Variants in TREH observed in about 807,000 individuals in gnomAD.
TREH encodes trehalase, also known as alpha,alpha-trehalose glucohydrolase.
TREH carries 69 observed loss-of-function variants against 80.5 expected under a neutral mutation model. The ratio of observed to expected loss-of-function variants is 0.86; its 90% CI spans 0.71 to 1.05. TREH has a LOEUF of 1.05. TREH is among the 50% of genes least tolerant of loss of function. The probability of loss-of-function intolerance (pLI) is 0.00; values close to 1 mark genes in which losing one functional copy is unlikely to be tolerated. For missense variants in TREH, 716 were observed against 718.8 expected, an observed-to-expected ratio of 1.00 and a Z score of 0.04; for synonymous variants, 309 against 293.5, an observed-to-expected ratio of 1.05 and a Z score of -0.54.
chr11:118,670,050 A>G (rs142134232), intron 1 of TREH, among the ~76,000 whole-genome samples: 53 of 152,336 alleles, frequency 3.5e-4, no homozygotes, highest in African/African-American at 1.3e-3. Flanking sequence ...GAGGGGCTTC[A>G]AATGTCTTAA....
chr11:118,663,211 G>T lies in TREH; in HGVS notation c.191-15C>A, dbSNP rs782446774. 6.3e-7 allele frequency: 1 copy of T among 1,591,454 alleles called. No homozygotes were observed. The highest frequency in any genetic ancestry group is 8.6e-7 in the Non-Finnish European group (1 of 1,168,838). ...CAGGACTTGTTCTGGAGAGCAGGCA[G>T]CAGGGAGGGGTCAGCAGGGTGTCAC... is the stretch of plus-strand genomic sequence containing the variant. On this transcript the variant is annotated splice_polypyrimidine_tract_variant and intron_variant, in intron 2 of 14. Transcript: ENST00000264029.
chr11:118,668,200 G>GA (rs1949396096), intron 1 of TREH, among the ~76,000 whole-genome samples: 1 of 151,352 alleles, frequency 6.6e-6, no homozygotes, highest in Non-Finnish European at 1.5e-5. Flanking sequence ...AGCATTTAGA[G>GA]AAAAAGACAT....
chr11:118,661,794 G>A lies in TREH; in HGVS notation c.525-65C>T. On this transcript the variant is annotated intron_variant, in intron 5 of 14. Coordinates refer to ENST00000264029, the MANE Select transcript of TREH (RefSeq NM_007180.3). The surrounding 1 kb of genome is among the most constrained non-coding windows in gnomAD (Gnocchi z 4.2). ...CTCTGCCCTGCACACCAGCCAGTGG[G>A]GCACTCTGCCCTGCTGAAGACACCC... 6.2e-7 allele frequency: 1 copy of A among 1,605,816 alleles called. No individual in the cohort carries two copies. Among genetic ancestry groups the A allele is most frequent in the African/African-American group, 1.3e-5 (1 of 74,846 alleles).
chr11:118,661,635 A>G lies in TREH; in HGVS notation c.617+2T>C, dbSNP rs576926853. 4 of 1,613,820 alleles carry G rather than the reference A, an allele frequency of 2.5e-6. No individual in the cohort carries two copies. In the South Asian group the frequency reaches 4.4e-5, roughly 18 times the overall value. ...AGGCTGGAGGTGCCTGGCCCCCCTCACGTTTTCACCAGGTCCAAGAAGTTC... is the reference window on the plus strand; with the variant it reads ...AGGCTGGAGGTGCCTGGCCCCCCTCGCGTTTTCACCAGGTCCAAGAAGTTC... On this transcript the variant is annotated splice_donor_variant, in intron 6 of 14. Coordinates refer to ENST00000264029, the MANE Select transcript of TREH (RefSeq NM_007180.3). LOFTEE classifies it high-confidence loss of function. This position sits in a 1 kb window ranked among gnomAD's most constrained non-coding sequence, Gnocchi z 4.2.
At chr11:118,675,599 G>C (rs1555146731) in intron 1 of TREH, among the ~76,000 whole-genome samples, 1 of 152,184 alleles carries the variant, frequency 6.6e-6, no homozygotes, top group African/African-American at 2.4e-5. Context: ...AAGGTCTAGG[G>C]GGGCCCTGAA....
chr11:118,673,762 C>G (rs530096260), intron 1 of TREH, among the ~76,000 whole-genome samples: 7 of 152,354 alleles, frequency 4.6e-5, no homozygotes, highest in Admixed American at 3.9e-4. Context: ...CCATTGGCCA[C>G]TGTCCAAGAG....
intron 11 of TREH, 132 bp from the exon 12 acceptor site, chr11:118,659,613 G>T (rs1949286889): frequency 7.4e-7 from 1 of 1,346,980 alleles, no homozygotes; most frequent in Non-Finnish European, 1.0e-6. Context: ...CTGCCCCCCG[G>T]TGGCTCTGGT....
chr11:118,663,416 A>G lies in TREH; in HGVS notation c.113T>C (p.Leu38Pro). 2 of 1,589,964 alleles carry G rather than the reference A, an allele frequency of 1.3e-6. No individual in the cohort carries two copies. The highest frequency in any genetic ancestry group is 1.7e-6 in the Non-Finnish European group (2 of 1,167,926). ...CESEIYCHGELLNQVQMAKLY... is the reference protein window; with the variant it reads ...CESEIYCHGEPLNQVQMAKLY... Reference sequence around the variant, plus strand: ...CTTGGCCATTTGAACTTGGTTTAGGAGCTCCCCGTGGCAGTAAATCTCACT... The same window carrying G: ...CTTGGCCATTTGAACTTGGTTTAGGGGCTCCCCGTGGCAGTAAATCTCACT... The change falls in exon 2 of 15, where the codon CTC (leucine) becomes CCC (proline). Residue 38 changes from leucine to proline, a missense_variant. Physicochemically the swap from Leu to Pro is moderately conservative, Grantham distance 98. Coordinates refer to ENST00000264029, the MANE Select transcript of TREH (RefSeq NM_007180.3).
At chr11:118,673,096 T>C (rs1169775227) in intron 1 of TREH, among the ~76,000 whole-genome samples, 1 of 152,196 alleles carries the variant, frequency 6.6e-6, no homozygotes. Context: ...CAGCCTTTCA[T>C]ACCTTCATAC....
rs1457086390 is a variant in TREH at position 118,675,064 on chromosome 11, C to T, written c.89+4475G>A. On this transcript the variant is annotated intron_variant, in intron 1 of 14. Coordinates refer to ENST00000264029, the MANE Select transcript of TREH (RefSeq NM_007180.3). ...ATTTCCCTATGCACATGAGTCAACT[C>T]CCCAAAAGTTAGTGATCAATCACCT... 2.2e-5 allele frequency among the ~76,000 whole-genome samples: 3 copies of T among 134,628 alleles called. No individual in the cohort carries two copies. The Admixed American group carries it at 2.6e-4, about 12-fold the overall frequency. The allele number at this position is 134,628 out of a possible 152,430, so 88.3% of individuals were successfully genotyped here. A position where few individuals can be genotyped will look rare whatever the true frequency, so the allele number is the denominator to read the frequency against.
intron 1 of TREH, among the ~76,000 whole-genome samples, chr11:118,666,130 G>T (rs1216964051): frequency 1.3e-5 from 2 of 152,156 alleles, no homozygotes; most frequent in African/African-American, 2.4e-5. Context: ...CTACTTGGGA[G>T]TCTGAGGCAG....
chr11:118,662,853 G>A, intron 4 of TREH, 28 bp downstream of exon 4: 4 of 1,555,250 alleles, frequency 2.6e-6, no homozygotes, highest in Non-Finnish European at 3.5e-6. Context: ...CCTTGGTCAG[G>A]CCTTGGGCAG....
intron 1 of TREH, among the ~76,000 whole-genome samples, chr11:118,678,682 T>C (rs535120746): frequency 6.6e-6 from 1 of 150,870 alleles, no homozygotes; most frequent in Non-Finnish European, 1.5e-5. Flanking sequence ...TCTATTATTA[T>C]TGTTCTTGCA....
At position 118,659,010 on chromosome 11, in the gene TREH, G is replaced by T; in HGVS notation, c.1440C>A (p.Ala480=). The T allele has an allele frequency of 6.2e-7, 1 of 1,613,706 alleles. No individual in the cohort carries two copies. Among genetic ancestry groups the T allele is most frequent in the Non-Finnish European group, 8.5e-7 (1 of 1,179,846 alleles). ...CCTGGGCCCGACGTAAAGGTGCCTT[G>T]GCCAGGCCTAGACCCCATTGCAGGC... ...PLQDLVIRGL[A]KAPLRRAQEV... is the part of the protein sequence containing the mutation. Residue 480 remains alanine (A), a synonymous_variant, in exon 13 of 15, where the codon GCC becomes GCA. Transcript: ENST00000264029.
intron 1 of TREH, among the ~76,000 whole-genome samples, chr11:118,664,938 A>G (rs1949362761): frequency 6.6e-6 from 1 of 152,016 alleles, no homozygotes; most frequent in Admixed American, 6.6e-5. Flanking sequence ...GTGAAACCCC[A>G]TCTCCACTAA....
In TREH at chr11:118,658,326, A is replaced by G. The variant is rs782288082; in HGVS notation, c.1715T>C (p.Leu572Pro). Residue 572 changes from leucine to proline, a missense_variant, in exon 15 of 15, where the codon CTT (leucine) becomes CCT (proline). Transcript: ENST00000264029. ...GAGGCTGAGCAGGAGGCTGGGCAGAAGGGTGGCCGCCAGGCAGTGGGGCTC... is the reference window on the plus strand; with the variant it reads ...GAGGCTGAGCAGGAGGCTGGGCAGAGGGGTGGCCGCCAGGCAGTGGGGCTC... The part of the protein sequence containing the change: ...FLEPHCLAAT[L>P]LPSLLLSLLP... The G allele has an allele frequency of 3.1e-6, 5 of 1,592,336 alleles. No homozygotes were observed. The highest frequency in any genetic ancestry group is 4.3e-6 in the Non-Finnish European group (5 of 1,170,442).
At chr11:118,668,163 C>A (rs1272319552) in intron 1 of TREH, among the ~76,000 whole-genome samples, 1 of 152,068 alleles carries the variant, frequency 6.6e-6, no homozygotes, top group Non-Finnish European at 1.5e-5. Flanking sequence ...CCGCACCCAG[C>A]CTACAAATTT....
Position 118,661,918 on chromosome 11 carries a change from C to G in TREH, c.496G>C (p.Gly166Arg), listed in dbSNP as rs781933716. The G allele has an allele frequency of 6.4e-7, 1 of 1,556,010 alleles. No individual in the cohort carries two copies. The highest frequency in any genetic ancestry group is 2.0e-5 in the Admixed American group (1 of 51,264). Reference protein sequence around the residue: ...IYSEHPFIVPGGRFVEFYYWD... With the variant: ...IYSEHPFIVPRGRFVEFYYWD... ...TAGTAGAACTCAACAAAGCGACCGC[C>G]AGGCACAATGAAGGGATGTTCTGAG... is the stretch of plus-strand genomic sequence containing the variant. The change falls in exon 5 of 15, where the codon GGC (glycine) becomes CGC (arginine). Residue 166 changes from glycine to arginine, a missense_variant. Physicochemically the swap from Gly to Arg is moderately radical, Grantham distance 125. Transcript: ENST00000264029. The surrounding 1 kb of genome is among the most constrained non-coding windows in gnomAD (Gnocchi z 4.2).
In TREH at chr11:118,661,846, G is replaced by T. The variant is rs782572644; in HGVS notation, c.524+44C>A. The T allele has an allele frequency of 6.4e-7, 1 of 1,574,352 alleles. No individual in the cohort carries two copies. Among genetic ancestry groups the T allele is most frequent in the Non-Finnish European group, 8.6e-7 (1 of 1,158,344 alleles). ...GCTGGCCCTGGGTTTCTCCACCACT[G>T]CCAGTCCTGCAGGCCCCTTGGTCTC... On this transcript the variant is annotated intron_variant, in intron 5 of 14. Coordinates refer to ENST00000264029, the MANE Select transcript of TREH (RefSeq NM_007180.3). The surrounding 1 kb of genome is among the most constrained non-coding windows in gnomAD (Gnocchi z 4.2).
Sources: gnomAD v4.1 joint callset for allele counts (sites outside exome capture counted in the v4.1 genomes callset) on GRCh38, gnomAD v4.1.1 for gene constraint, Gnocchi (gnomAD v3.1) non-coding constraint, MANE v1.5 for transcripts, NCBI Gene and HGNC (gene_info 2026-07-23, HGNC 2026-07-21) for gene names.